The following SEMA3E variants were observed in gnomAD, a reference collection of about 807,000 sequenced individuals.
The protein encoded by SEMA3E is semaphorin-3E.
In SEMA3E, 49 loss-of-function variants were observed where a neutral mutation model predicts 93.6. That is an observed-to-expected ratio of 0.52 (90% CI 0.42 to 0.66). The LOEUF is 0.66. Among genes scored for constraint, SEMA3E ranks in the 30% least tolerant of loss-of-function variants. SEMA3E has a pLI of 0.00. For missense variants in SEMA3E, 906 were observed against 964.8 expected, an observed-to-expected ratio of 0.94 and a Z score of 0.81; for synonymous variants, 363 against 330.7, an observed-to-expected ratio of 1.10 and a Z score of -1.06.
chr7:83,521,589 C>T (rs1482900290), intron 1 of SEMA3E, among the ~76,000 whole-genome samples: 1 of 152,088 alleles, frequency 6.6e-6, no homozygotes, highest in Non-Finnish European at 1.5e-5. Context: ...GCTAAAACAA[C>T]AGAAATGTAT....
At chr7:83,458,866 A>T (rs1196633796) in intron 4 of SEMA3E, among the ~76,000 whole-genome samples, 1 of 146,750 alleles carries the variant, frequency 6.8e-6, no homozygotes, top group Admixed American at 6.8e-5. Flanking sequence ...TATATATATG[A>T]TTATATGTTA....
chr7:83,611,145 A>C (rs1173236516), intron 1 of SEMA3E, among the ~76,000 whole-genome samples: 2 of 150,892 alleles, frequency 1.3e-5, no homozygotes, highest in Non-Finnish European at 2.9e-5. Context: ...ATGGCAGCCC[A>C]GCCACTGCTC....
At position 83,641,479 on chromosome 7, in the gene SEMA3E, C is replaced by T. The variant is rs146843902; in HGVS notation, c.115+6949G>A. The T allele has an allele frequency of 3.7e-4, 240 of 642,636 alleles. No individual in the cohort carries two copies. The Middle Eastern group carries it at 7.6e-3, about 20-fold the overall frequency. The allele number at this position is 642,636 out of a possible 1,614,324, so 39.8% of individuals were successfully genotyped here. Reference sequence around the variant, plus strand: ...CCTTAGTAATATTAGTTCTATTGTGCGTTACAAAGCTGGGCCTACAATTAC... The same window carrying T: ...CCTTAGTAATATTAGTTCTATTGTGTGTTACAAAGCTGGGCCTACAATTAC... On this transcript the variant is annotated intron_variant, in intron 1 of 16. Transcript: ENST00000643230.
At chr7:83,396,594 A>T in intron 12 of SEMA3E, 44 bp downstream of exon 12, 2 of 1,141,226 alleles carry the variant, frequency 1.8e-6, no homozygotes, top group Non-Finnish European at 2.6e-6. Context: ...TCTCACTTGT[A>T]GTTGTAATGC....
chr7:83,558,351 G>A (rs1041883147), intron 1 of SEMA3E, among the ~76,000 whole-genome samples: 1 of 152,074 alleles, frequency 6.6e-6, no homozygotes, highest in Admixed American at 6.6e-5. Flanking sequence ...CATATTGTTT[G>A]AATTTACAGG....
intron 16 of SEMA3E, among the ~76,000 whole-genome samples, chr7:83,384,416 C>G (rs1334977732): frequency 6.6e-6 from 1 of 151,936 alleles, no homozygotes; most frequent in Non-Finnish European, 1.5e-5. Context: ...ATTCAACTTG[C>G]AACCTTTTCT....
intron 4 of SEMA3E, among the ~76,000 whole-genome samples, chr7:83,429,776 A>G (rs1041386478): frequency 1.3e-5 from 2 of 152,094 alleles, no homozygotes; most frequent in Admixed American, 6.6e-5. Flanking sequence ...GATAATACTC[A>G]TAGCTGTTTG....
intron 1 of SEMA3E, among the ~76,000 whole-genome samples, chr7:83,550,103 C>T (rs193140289): frequency 2.4e-4 from 36 of 152,116 alleles, no homozygotes; most frequent in Middle Eastern, 3.4e-3. Flanking sequence ...AAAGAAACAT[C>T]GTAAGCCAAG....
At chr7:83,576,854 C>A (rs1792416148) in intron 1 of SEMA3E, among the ~76,000 whole-genome samples, 1 of 152,064 alleles carries the variant, frequency 6.6e-6, no homozygotes. Flanking sequence ...CTCAAAACTC[C>A]TGAGTGATCC....
At position 83,370,781 on chromosome 7, in the gene SEMA3E, T is replaced by C. The variant is rs116565002; in HGVS notation, c.1876-2743A>G. Among the ~76,000 whole-genome samples the C allele has an allele frequency of 6.5e-3, 984 of 152,272 alleles. 14 individuals carry two copies. Among genetic ancestry groups the C allele is most frequent in the African/African-American group, 0.022 (930 of 41,574 alleles). On this transcript the variant is annotated intron_variant, in intron 16 of 16. Coordinates refer to ENST00000643230, the MANE Select transcript of SEMA3E (RefSeq NM_012431.3). ...ATATACTTGAGCATGCAACATTACA[T>C]ACAAGTATCTAACAATAGTCCTTCA...
chr7:83,494,740 G>A (rs1276397830), intron 1 of SEMA3E, among the ~76,000 whole-genome samples: 1 of 151,890 alleles, frequency 6.6e-6, no homozygotes, highest in African/African-American at 2.4e-5. Flanking sequence ...GTTTGTTCAT[G>A]GCCAAATATG....
intron 16 of SEMA3E, among the ~76,000 whole-genome samples, chr7:83,378,534 C>A (rs2116906750): frequency 6.6e-6 from 1 of 151,994 alleles, no homozygotes; most frequent in East Asian, 1.9e-4. Context: ...ACTAAACTAG[C>A]AGTTTCTGGT....
At chr7:83,404,736 A>G (rs992027328) in intron 9 of SEMA3E, among the ~76,000 whole-genome samples, 1 of 152,034 alleles carries the variant, frequency 6.6e-6, no homozygotes, top group African/African-American at 2.4e-5. Flanking sequence ...CAAATGATGA[A>G]CGTGTTCACT....
At chr7:83,464,170 G>C (rs974885829) in intron 4 of SEMA3E, among the ~76,000 whole-genome samples, 1 of 151,926 alleles carries the variant, frequency 6.6e-6, no homozygotes, top group Non-Finnish European at 1.5e-5. Flanking sequence ...AAGAAAAGTA[G>C]AATGGACTAA....
intron 1 of SEMA3E, among the ~76,000 whole-genome samples, chr7:83,513,049 A>G (rs1423999251): frequency 3.3e-5 from 5 of 152,198 alleles, no homozygotes; most frequent in Non-Finnish European, 7.3e-5. Flanking sequence ...ATCAATTATA[A>G]TATGAAAGTT....
intron 1 of SEMA3E, among the ~76,000 whole-genome samples, chr7:83,592,935 A>G: frequency 6.6e-6 from 1 of 151,018 alleles, no homozygotes. Context: ...TGGCCCAATC[A>G]TGAAAGACTT....
chr7:83,604,013 C>T lies in SEMA3E; in HGVS notation c.115+44415G>A, dbSNP rs371657316. ...AGTTATCTTCTATCAGAAATTTCTT[C>T]ATGTAGAGAGAATGAAGAGATTCAT... On this transcript the variant is annotated intron_variant, in intron 1 of 16. Transcript: ENST00000643230. 2.3e-3 allele frequency among the ~76,000 whole-genome samples: 348 copies of T among 152,188 alleles called. 1 individual carries two copies. The highest frequency in any genetic ancestry group is 8.1e-3 in the African/African-American group (337 of 41,534).
intron 1 of SEMA3E, among the ~76,000 whole-genome samples, chr7:83,562,984 C>G (rs1792063807): frequency 6.6e-6 from 1 of 152,132 alleles, no homozygotes; most frequent in African/African-American, 2.4e-5. Context: ...ACTACCGACT[C>G]CCTTGTTTAC....
chr7:83,613,618 C>T (rs1475965120), intron 1 of SEMA3E, among the ~76,000 whole-genome samples: 2 of 152,034 alleles, frequency 1.3e-5, no homozygotes, highest in African/African-American at 4.8e-5. Flanking sequence ...TTAAGATTGT[C>T]AGTATTTTTG....
Sources: allele counts gnomAD v4.1 joint callset (sites outside exome capture counted in the v4.1 genomes callset), GRCh38; gene constraint gnomAD v4.1.1; transcripts MANE v1.5; gene names NCBI Gene and HGNC (gene_info 2026-07-23, HGNC 2026-07-21).